EFCAB5: variants seen among roughly 807,000 people sequenced by gnomAD.
EFCAB5 encodes the protein EF-hand calcium-binding domain-containing protein 5.
A neutral mutation model predicts 167.9 loss-of-function variants in EFCAB5; 131 were observed. The observed-to-expected ratio is 0.78, with a 90% CI of 0.68 to 0.90. The LOEUF (loss-of-function observed/expected upper bound fraction) is 0.90, where lower values mean the gene tolerates loss of function less well. EFCAB5 is among the 40% of genes least tolerant of loss of function. EFCAB5 has a pLI of 0.00. For missense variants in EFCAB5, 1,663 were observed against 1,745.2 expected (o/e 0.95, Z 0.84); for synonymous variants, 574 against 602.8 (o/e 0.95, Z 0.70).
At chr17:30,008,696 T>C (rs1411231685) in intron 7 of EFCAB5, among the ~76,000 whole-genome samples, 1 of 152,132 alleles carries the variant, frequency 6.6e-6, no homozygotes, top group East Asian at 1.9e-4. Context: ...TATATAAAAA[T>C]ATAAATAAAA....
rs2070078021 is a variant in EFCAB5, at chr17:30,051,044, T to C, written c.1201-74T>C. 6.4e-6 allele frequency: 8 copies of C among 1,251,482 alleles called. No individual in the cohort carries two copies. The East Asian group carries it at 1.7e-4, about 26-fold the overall frequency. 77.5% of individuals were successfully genotyped at this position (1,251,482 alleles called of 1,614,324 possible). A position where few individuals can be genotyped will look rare whatever the true frequency, so the allele number is the denominator to read the frequency against. On this transcript the variant is annotated intron_variant, in intron 8 of 22. Coordinates refer to ENST00000394835, the MANE Select transcript of EFCAB5 (RefSeq NM_198529.4). ...GTGATAGTGATGATAAAAGCTTCAA[T>C]AAGCCACGTTCCAACTGCATAAAAA...
At chr17:30,097,126 G>A (rs1195771644) in intron 22 of EFCAB5, among the ~76,000 whole-genome samples, 7 of 142,254 alleles carry the variant, frequency 4.9e-5, no homozygotes, top group East Asian at 2.1e-4. Context: ...GCGCGATCTC[G>A]GCTCACCGCA....
intron 10 of EFCAB5, among the ~76,000 whole-genome samples, chr17:30,054,432 A>G (rs1321994641): frequency 1.3e-5 from 2 of 152,240 alleles, no homozygotes; most frequent in African/African-American, 2.4e-5. Flanking sequence ...CTGAAAAGGT[A>G]GTAGAAGCCC....
intron 3 of EFCAB5, among the ~76,000 whole-genome samples, chr17:29,950,166 A>G (rs1315463340): frequency 6.6e-6 from 1 of 152,154 alleles, no homozygotes; most frequent in Non-Finnish European, 1.5e-5. Flanking sequence ...TCCTCTCCTC[A>G]GTCTATCGAA....
rs374495947 is a variant in EFCAB5, at chr17:30,055,166, A to G, written c.2195-722A>G. 5.3e-5 allele frequency among the ~76,000 whole-genome samples: 8 copies of G among 152,104 alleles called. No homozygotes were observed. The East Asian group carries it at 7.7e-4, about 15-fold the overall frequency. ...AATTAGCTGGCCATGGTGGCATGCAATTGTAGTCTCGGCTACGCAGGAGGC... is the reference window on the plus strand; with the variant it reads ...AATTAGCTGGCCATGGTGGCATGCAGTTGTAGTCTCGGCTACGCAGGAGGC... On this transcript the variant is annotated intron_variant, in intron 10 of 22. Coordinates refer to ENST00000394835, the MANE Select transcript of EFCAB5 (RefSeq NM_198529.4).
At chr17:30,055,716 T>C (rs950053948) in intron 10 of EFCAB5, among the ~76,000 whole-genome samples, 172 bp from the exon 11 acceptor site, 2 of 152,228 alleles carry the variant, frequency 1.3e-5, no homozygotes, top group South Asian at 2.1e-4. Flanking sequence ...CTTTCAACAA[T>C]TCAAGTTATT....
At chr17:30,001,601 A>T (rs1051629860) in intron 7 of EFCAB5, among the ~76,000 whole-genome samples, 1 of 152,208 alleles carries the variant, frequency 6.6e-6, no homozygotes, top group Admixed American at 6.5e-5. Context: ...TGAGACCCTC[A>T]TGTCTAAAAA....
rs571116079 is a variant in EFCAB5 at position 30,080,010 on chromosome 17, G to A, written c.3028-62G>A. On this transcript the variant is annotated intron_variant, in intron 15 of 22. Transcript: ENST00000394835. The stretch of plus-strand genomic sequence containing the variant: ...GATGCATGAATTAACTAGTAAGGGG[G>A]ACATGATTAGGGGAGTTCTTTGGCT... 461 of 1,532,314 alleles carry A rather than the reference G, an allele frequency of 3.0e-4. 7 individuals carry two copies. The South Asian group carries it at 5.0e-3, about 17-fold the overall frequency. 94.9% of individuals were successfully genotyped at this position (1,532,314 alleles called of 1,614,324 possible). A position where few individuals can be genotyped will look rare whatever the true frequency, so the allele number is the denominator to read the frequency against.
intron 7 of EFCAB5, among the ~76,000 whole-genome samples, chr17:30,012,444 T>C (rs1052859929): frequency 1.3e-5 from 2 of 152,176 alleles, no homozygotes; most frequent in African/African-American, 4.8e-5. Context: ...AAGTCTCTAA[T>C]AATGGTGTAA....
chr17:30,072,024 T>G (rs988000831), intron 14 of EFCAB5, among the ~76,000 whole-genome samples: 2 of 152,154 alleles, frequency 1.3e-5, no homozygotes, highest in African/African-American at 4.8e-5. Flanking sequence ...ATCCAAAGGT[T>G]GGTTAATGGA....
chr17:30,055,752 A>C, intron 10 of EFCAB5, 136 bp from the exon 11 acceptor site: 1 of 828,530 alleles, frequency 1.2e-6, no homozygotes, highest in Non-Finnish European at 1.9e-6. Context: ...GGTCGATTGC[A>C]ACACTGCATA....
intron 14 of EFCAB5, chr17:30,069,475 C>A: frequency 6.3e-7 from 1 of 1,584,498 alleles, no homozygotes; most frequent in Non-Finnish European, 8.7e-7. Context: ...AGATTGATGG[C>A]GTTCACCAGT....
Position 30,053,270 on chromosome 17 carries a change from T to G in EFCAB5, c.1316T>G (p.Phe439Cys), listed in dbSNP as rs1346329771. ...RNPRQWPFIE[F>C]EEINLTELWG... ...TCTGCATTAGGGCCATTCATTGAAT[T>G]TGAAGAGATAAACTTGACTGAGTTG... The change falls in exon 10 of 23, where the codon TTT (phenylalanine) becomes TGT (cysteine). Residue 439 changes from phenylalanine to cysteine, a missense_variant. Coordinates refer to ENST00000394835, the MANE Select transcript of EFCAB5 (RefSeq NM_198529.4). 1 of 1,603,370 alleles carries G rather than the reference T, an allele frequency of 6.2e-7. No homozygotes were observed. The highest frequency in any genetic ancestry group is 1.1e-5 in the South Asian group (1 of 90,104).
intron 1 of EFCAB5, among the ~76,000 whole-genome samples, chr17:29,935,413 GC>G (rs1264437184): frequency 2.0e-5 from 3 of 151,962 alleles, no homozygotes; most frequent in Admixed American, 6.6e-5. Flanking sequence ...ACCACAATTA[GC>G]CAGGTGTGGT....
At chr17:30,074,801 TC>T (rs2070835668) in intron 14 of EFCAB5, among the ~76,000 whole-genome samples, 1 of 152,192 alleles carries the variant, frequency 6.6e-6, no homozygotes, top group Non-Finnish European at 1.5e-5. Flanking sequence ...CACAAAGAGA[TC>T]TTCCAGGTTG....
At chr17:30,001,546 G>A (rs1051384293) in intron 7 of EFCAB5, among the ~76,000 whole-genome samples, 4 of 152,130 alleles carry the variant, frequency 2.6e-5, no homozygotes, top group Non-Finnish European at 5.9e-5. Flanking sequence ...TGAGGCAAGA[G>A]GATTGCTTAA....
chr17:29,948,245 T>C (rs547037024), intron 3 of EFCAB5, among the ~76,000 whole-genome samples: 1 of 152,328 alleles, frequency 6.6e-6, no homozygotes, highest in East Asian at 1.9e-4. Context: ...TACAAAACTG[T>C]ACATATGTAT....
intron 7 of EFCAB5, among the ~76,000 whole-genome samples, chr17:30,028,409 T>C (rs1227703563): frequency 6.6e-6 from 1 of 152,256 alleles, no homozygotes; most frequent in Non-Finnish European, 1.5e-5. Context: ...TTTGCTCATT[T>C]TGTTTTTTAT....
chr17:30,004,748 G>A (rs934906340), intron 7 of EFCAB5, among the ~76,000 whole-genome samples: 2 of 149,488 alleles, frequency 1.3e-5, no homozygotes, highest in African/African-American at 2.5e-5. Context: ...AGCCTCCTGA[G>A]TAGCTGGGAT....
Sources: gnomAD v4.1 joint callset for allele counts (sites outside exome capture counted in the v4.1 genomes callset) on GRCh38, gnomAD v4.1.1 for gene constraint, MANE v1.5 for transcripts, NCBI Gene and HGNC (gene_info 2026-07-23, HGNC 2026-07-21) for gene names.